Variants in DAB1 observed in about 807,000 individuals in gnomAD.
DAB1 encodes DAB adaptor protein 1, also known as disabled homolog 1.
DAB1 carries 15 observed loss-of-function variants against 64.6 expected under a neutral mutation model. That is an observed-to-expected ratio of 0.23 (90% CI 0.16 to 0.36). DAB1 has a LOEUF of 0.36. Among genes scored for constraint, DAB1 ranks in the 10% least tolerant of loss-of-function variants. DAB1 has a pLI of 1.00. For missense variants in DAB1, 596 were observed against 706.7 expected, an observed-to-expected ratio of 0.84 and a Z score of 1.78; for synonymous variants, 235 against 251.9, an observed-to-expected ratio of 0.93 and a Z score of 0.64.
intron 7 of DAB1, among the ~76,000 whole-genome samples, chr1:57,491,702 G>T (rs1644167732): frequency 6.6e-6 from 1 of 152,160 alleles, no homozygotes; most frequent in Non-Finnish European, 1.5e-5. Flanking sequence ...GATTCCACTT[G>T]GCAATGCCGT....
chr1:58,026,961 T>C (rs1051066286), intron 5 of DAB1, among the ~76,000 whole-genome samples: 2 of 152,200 alleles, frequency 1.3e-5, no homozygotes, highest in East Asian at 1.9e-4. Flanking sequence ...TTTGACTCTG[T>C]GGTAGAAGGA....
At chr1:57,927,416 C>A (rs1465899656) in intron 5 of DAB1, among the ~76,000 whole-genome samples, 1 of 152,116 alleles carries the variant, frequency 6.6e-6, no homozygotes, top group Non-Finnish European at 1.5e-5. Context: ...GGAGGATCAC[C>A]TGAGCTTCTA....
chr1:57,047,281 G>A (rs1648624100), intron 9 of DAB1, among the ~76,000 whole-genome samples: 2 of 152,172 alleles, frequency 1.3e-5, no homozygotes, highest in Non-Finnish European at 2.9e-5. Context: ...TTCAGTATTT[G>A]GTAGTTACAA....
chr1:57,586,808 TA>T lies in DAB1; in HGVS notation n.625+62783del, dbSNP rs34961960. Among the ~76,000 whole-genome samples, 382 of 141,124 alleles carry T rather than the reference TA, an allele frequency of 2.7e-3. 3 individuals carry two copies. Among genetic ancestry groups the T allele is most frequent in the African/African-American group, 8.6e-3 (331 of 38,566 alleles). The allele number at this position is 141,124 out of a possible 152,430, so 92.6% of individuals were successfully genotyped here. ...TTTGCAAACTCCTCAATACTTTACT[TA>T]AAAAAAAAAAAAAAGTAAAAGAAAG... On this transcript the variant is annotated intron_variant and non_coding_transcript_variant, in intron 7 of 20. Coordinates refer to the DAB1 transcript ENST00000485760.
intron 1 of DAB1, among the ~76,000 whole-genome samples, chr1:57,304,480 C>A (rs747055826): frequency 1.3e-5 from 2 of 152,180 alleles, no homozygotes; most frequent in Non-Finnish European, 2.9e-5. Context: ...CACCGTCTCA[C>A]GGACTTGCCC....
Position 57,023,426 on chromosome 1 carries a change from A to C in DAB1, c.895+105T>G, listed in dbSNP as rs576088315. 7.4e-5 allele frequency: 51 copies of C among 688,370 alleles called. 1 individual carries two copies. In the South Asian group the frequency reaches 8.2e-4, roughly 11 times the overall value. The allele number at this position is 688,370 out of a possible 1,614,324, so 42.6% of individuals were successfully genotyped here. A position where few individuals can be genotyped will look rare whatever the true frequency, so the allele number is the denominator to read the frequency against. The stretch of plus-strand genomic sequence containing the variant: ...AATGTCACCTGAAGAGTCACAGGAG[A>C]GAACAGCAGTGTTTTATCATCATTC... On this transcript the variant is annotated intron_variant, in intron 11 of 14. Coordinates refer to ENST00000371236, the MANE Select transcript of DAB1 (RefSeq NM_001365792.1).
chr1:57,244,884 G>A (rs902593023), intron 2 of DAB1, among the ~76,000 whole-genome samples: 4 of 152,212 alleles, frequency 2.6e-5, no homozygotes, highest in East Asian at 3.8e-4. Flanking sequence ...TTAACTCTGT[G>A]TCCTTACCCA....
intron 4 of DAB1, among the ~76,000 whole-genome samples, chr1:58,219,611 C>A (rs768912786): frequency 6.6e-6 from 1 of 152,206 alleles, no homozygotes; most frequent in South Asian, 2.1e-4. Flanking sequence ...ACGCTCCTCA[C>A]CACCCCTTCC....
intron 5 of DAB1, among the ~76,000 whole-genome samples, chr1:57,902,727 T>C (rs1644494017): frequency 1.3e-5 from 2 of 152,168 alleles, no homozygotes; most frequent in African/African-American, 4.8e-5. Context: ...TATCATCTGG[T>C]GTTCACCAGA....
chr1:57,811,519 G>C (rs1355262223), intron 6 of DAB1, among the ~76,000 whole-genome samples: 2 of 152,144 alleles, frequency 1.3e-5, no homozygotes, highest in African/African-American at 4.8e-5. Flanking sequence ...CATGCTTCCT[G>C]TACAGTCTGT....
At chr1:57,851,976 C>A (rs367644218) in intron 1 of DAB1, among the ~76,000 whole-genome samples, 5 of 152,182 alleles carry the variant, frequency 3.3e-5, no homozygotes, top group Non-Finnish European at 7.3e-5. Flanking sequence ...GAACACAATA[C>A]CCCAAAGCAT....
intron 1 of DAB1, among the ~76,000 whole-genome samples, chr1:57,834,245 A>G (rs1325835613): frequency 6.6e-6 from 1 of 152,168 alleles, no homozygotes; most frequent in East Asian, 1.9e-4. Context: ...GTACAAAATG[A>G]AGCTTTAAGG....
intron 1 of DAB1, among the ~76,000 whole-genome samples, chr1:57,305,450 G>A (rs1460594472): frequency 6.6e-6 from 1 of 152,214 alleles, no homozygotes; most frequent in African/African-American, 2.4e-5. Flanking sequence ...GCCCACACAT[G>A]AAAGAGGGAT....
At chr1:57,856,090 G>C (rs1209634850) in intron 1 of DAB1, among the ~76,000 whole-genome samples, 2 of 152,194 alleles carry the variant, frequency 1.3e-5, no homozygotes, top group Admixed American at 1.3e-4. Flanking sequence ...GCTACTGCCT[G>C]GGACTTATCA....
chr1:57,662,179 CTTTG>C (rs369739263), intron 6 of DAB1, among the ~76,000 whole-genome samples: 3,862 of 151,758 alleles, frequency 0.025, 140 homozygotes, highest in African/African-American at 0.082. Flanking sequence ...GAATGTTGTT[CTTTG>C]TTTGTTTGTT....
intron 2 of DAB1, among the ~76,000 whole-genome samples, chr1:57,164,396 C>A (rs770218085): frequency 1.1e-4 from 16 of 152,016 alleles, no homozygotes; most frequent in Non-Finnish European, 1.9e-4. Flanking sequence ...GAGTAGACAC[C>A]TTTTGAGATA....
chr1:57,111,579 T>C (rs1009418511), intron 4 of DAB1, among the ~76,000 whole-genome samples: 8 of 152,178 alleles, frequency 5.3e-5, no homozygotes, highest in Non-Finnish European at 1.0e-4. Context: ...AACTCTCAGC[T>C]TAAGTGTCCC....
chr1:58,320,956 A>G (rs1662667794), intron 4 of DAB1, among the ~76,000 whole-genome samples: 1 of 152,182 alleles, frequency 6.6e-6, no homozygotes, highest in African/African-American at 2.4e-5. Context: ...TTTGGCAGTG[A>G]TTGAACCTAC....
chr1:58,538,990 T>G, intron 1 of DAB1: 1 of 872,856 alleles, frequency 1.1e-6, no homozygotes, highest in South Asian at 1.3e-5. Context: ...TGAAAAAGCA[T>G]CATTCCATAC....
Sources: gnomAD v4.1 joint callset for allele counts (sites outside exome capture counted in the v4.1 genomes callset) on GRCh38, gnomAD v4.1.1 for gene constraint, MANE v1.5 for transcripts, NCBI Gene and HGNC (gene_info 2026-07-23, HGNC 2026-07-21) for gene names.